The following UEVLD variants were observed in gnomAD, a reference collection of about 807,000 sequenced individuals.
UEVLD encodes ubiquitin-conjugating enzyme E2 variant 3.
In UEVLD, 47 loss-of-function variants were observed where a neutral mutation model predicts 58.6. The observed-to-expected ratio is 0.80, with a 90% CI of 0.63 to 1.02. The LOEUF (loss-of-function observed/expected upper bound fraction) is 1.02, where lower values mean the gene tolerates loss of function less well. Ranked by LOEUF, UEVLD falls within the 50% of genes least tolerant of loss-of-function variation. The probability of loss-of-function intolerance (pLI) is 0.00; values close to 1 mark genes in which losing one functional copy is unlikely to be tolerated. For missense variants in UEVLD, 510 were observed against 550.6 expected (o/e 0.93, Z 0.74); for synonymous variants, 197 against 195.3 (o/e 1.01, Z -0.07).
chr11:18,560,090 TACACACACACACACACAC>T (rs71050609), intron 6 of UEVLD, among the ~76,000 whole-genome samples: 7 of 76,108 alleles, frequency 9.2e-5, no homozygotes, highest in East Asian at 4.3e-4. Context: ...ACCCCGTCTC[TACACACACACACACACAC>T]ACACACACAC....
intron 6 of UEVLD, among the ~76,000 whole-genome samples, chr11:18,558,874 G>T (rs572262686): frequency 1.3e-5 from 2 of 151,794 alleles, no homozygotes; most frequent in Non-Finnish European, 2.9e-5. Flanking sequence ...ACAAGTCACA[G>T]ATTGCAGGTT....
chr11:18,574,596 T>A (rs1209969195), intron 3 of UEVLD, among the ~76,000 whole-genome samples: 11 of 152,192 alleles, frequency 7.2e-5, no homozygotes, highest in Non-Finnish European at 1.5e-4. Context: ...GAGAAGTAGG[T>A]CTGGAAAAAT....
intron 3 of UEVLD, 58 bp downstream of exon 3, chr11:18,575,289 T>C: frequency 6.5e-7 from 1 of 1,538,710 alleles, no homozygotes; most frequent in Non-Finnish European, 8.8e-7. Context: ...CAAATTTAAG[T>C]TATTAAATGA....
intron 3 of UEVLD, chr11:18,570,811 T>C (rs1341117830): frequency 2.0e-5 from 3 of 149,620 alleles, no homozygotes; most frequent in African/African-American, 7.4e-5. Context: ...AAAGGATTAA[T>C]GTTAATCAAG....
Position 18,575,421 on chromosome 11 carries a change from A to AG in UEVLD, c.128-10_128-9insC. 6.0e-6 allele frequency: 9 copies of AG among 1,502,116 alleles called. No individual in the cohort carries two copies. The highest frequency in any genetic ancestry group is 8.1e-6 in the Non-Finnish European group (9 of 1,111,784). 93.0% of individuals were successfully genotyped at this position (1,502,116 alleles called of 1,614,324 possible). ...AGAACTATCTTTAAAAACTAGAAGA[A>AG]AAAAAAAAAAGCCCCAAAATGTGCA... On this transcript the variant is annotated splice_polypyrimidine_tract_variant and intron_variant, in intron 2 of 11. Transcript: ENST00000396197.
At chr11:18,568,936 C>T (rs1441412522) in intron 4 of UEVLD, among the ~76,000 whole-genome samples, 1 of 152,060 alleles carries the variant, frequency 6.6e-6, no homozygotes, top group African/African-American at 2.4e-5. Flanking sequence ...GCTCTGTCGC[C>T]CAGGCTGGAG....
chr11:18,565,015 A>G lies in UEVLD; in HGVS notation c.494-5T>C, dbSNP rs1852228168. ...TTGAATTTGTATCTGAAACACCTAG[A>G]AAGAAAGGTGAATTATCCTGAGAAT... On this transcript the variant is annotated splice_region_variant and splice_polypyrimidine_tract_variant and intron_variant, in intron 5 of 11. Transcript: ENST00000396197. The G allele has an allele frequency of 6.3e-7, 1 of 1,588,754 alleles. No homozygotes were observed.
chr11:18,575,361 G>A lies in UEVLD; in HGVS notation c.179C>T (p.Pro60Leu). 6.2e-7 allele frequency: 1 copy of A among 1,608,146 alleles called. No homozygotes were observed. Among genetic ancestry groups the A allele is most frequent in the East Asian group, 2.2e-5 (1 of 44,788 alleles). ...TCCACACTTACCCTGATACATCACA[G>A]GAATTGTGCCAGTAAAATTCAGCAG... The part of the protein sequence containing the change: ...KDLLNFTGTI[P>L]VMYQGNTYNI... Residue 60 changes from proline (P) to leucine (L), a missense_variant, in exon 3 of 12, where the codon CCT (proline) becomes CTT (leucine). Coordinates refer to ENST00000396197, the MANE Select transcript of UEVLD (RefSeq NM_001040697.4).
chr11:18,532,421 A>G lies in UEVLD; in HGVS notation c.1315T>C (p.Ser439Pro). 6.2e-7 allele frequency: 1 copy of G among 1,613,626 alleles called. No individual in the cohort carries two copies. The highest frequency in any genetic ancestry group is 8.5e-7 in the Non-Finnish European group (1 of 1,179,772). ...LPCILGTNGV[S>P]EVIKTTLKED... The stretch of plus-strand genomic sequence containing the variant: ...TTCAGTGTGGTTTTGATAACTTCAG[A>G]TACTCCATTGGTTCCAAGGATGCAA... Residue 439 changes from serine to proline, a missense_variant, in exon 12 of 12, where the codon TCT becomes CCT. Coordinates refer to ENST00000396197, the MANE Select transcript of UEVLD (RefSeq NM_001040697.4).
chr11:18,588,474 A>C, intron 1 of UEVLD, 139 bp downstream of exon 1: 6 of 1,005,504 alleles, frequency 6.0e-6, no homozygotes, highest in Non-Finnish European at 8.5e-6. Context: ...CGCGCCCCAT[A>C]GCCGGTTTCA....
At chr11:18,560,847 C>T (rs1690750754) in intron 6 of UEVLD, among the ~76,000 whole-genome samples, 1 of 151,920 alleles carries the variant, frequency 6.6e-6, no homozygotes, top group Non-Finnish European at 1.5e-5. Flanking sequence ...CCTGTCTCTC[C>T]CAAAAATACA....
rs948629160 is a variant in UEVLD, at chr11:18,587,207, T to C, written c.42+1406A>G. 3.9e-4 allele frequency among the ~76,000 whole-genome samples: 60 copies of C among 152,202 alleles called. 1 individual carries two copies. The highest frequency in any genetic ancestry group is 8.8e-5 in the Non-Finnish European group (6 of 68,036). ...ATATGCTCTATGTTTGAATCTTAAC[T>C]TGAACAATTCTTCCCATCGGACAAT... is the stretch of plus-strand genomic sequence containing the variant. On this transcript the variant is annotated intron_variant, in intron 1 of 11. Coordinates refer to ENST00000396197, the MANE Select transcript of UEVLD (RefSeq NM_001040697.4).
At chr11:18,558,204 C>T (rs1346012584) in intron 7 of UEVLD, 24 bp downstream of exon 7, 11 of 1,555,450 alleles carry the variant, frequency 7.1e-6, no homozygotes, top group Non-Finnish European at 8.8e-6. Context: ...ATAAGGCATA[C>T]ATCTTTAAGC....
chr11:18,563,850 C>CA (rs1852157256), intron 6 of UEVLD: 1 of 221,988 alleles, frequency 4.5e-6, no homozygotes, highest in Non-Finnish European at 8.3e-6. Flanking sequence ...GCTAAAAATA[C>CA]AAAAATTAGC....
intron 9 of UEVLD, among the ~76,000 whole-genome samples, chr11:18,541,610 A>G (rs1411350438): frequency 5.9e-5 from 9 of 152,270 alleles, no homozygotes; most frequent in African/African-American, 2.2e-4. Flanking sequence ...GCAGCAGGAC[A>G]ACAAAAGTAA....
At chr11:18,568,333 A>C (rs1221691494) in intron 4 of UEVLD, among the ~76,000 whole-genome samples, 1 of 152,212 alleles carries the variant, frequency 6.6e-6, no homozygotes, top group Non-Finnish European at 1.5e-5. Flanking sequence ...AGGATACATG[A>C]ATTCCTGCAA....
At chr11:18,545,073 TA>T (rs1484392851) in intron 8 of UEVLD, among the ~76,000 whole-genome samples, 17 of 49,356 alleles carry the variant, frequency 3.4e-4, no homozygotes, top group African/African-American at 6.0e-4. Flanking sequence ...TCTATATCTA[TA>T]TTTTTTTTTT....
At chr11:18,568,301 A>G (rs1296942803) in intron 4 of UEVLD, among the ~76,000 whole-genome samples, 3 of 152,220 alleles carry the variant, frequency 2.0e-5, no homozygotes, top group African/African-American at 7.2e-5. Flanking sequence ...AGAGATGCCA[A>G]TGAAAACCAG....
chr11:18,565,056 AT>A lies in UEVLD; in HGVS notation c.494-47del, dbSNP rs923503896. On this transcript the variant is annotated intron_variant, in intron 5 of 11. Transcript: ENST00000396197. ...TCCTGAGAATTCAAAAATATCAAGA[AT>A]TTTTTTAGGATCTTTAAAAAAAATA... 7.0e-6 allele frequency: 10 copies of A among 1,429,744 alleles called. No individual in the cohort carries two copies. In the African/African-American group the frequency reaches 7.1e-5, roughly 10 times the overall value. 88.6% of individuals were successfully genotyped at this position (1,429,744 alleles called of 1,614,324 possible).
Sources: gnomAD v4.1 joint callset for allele counts (sites outside exome capture counted in the v4.1 genomes callset) on GRCh38, gnomAD v4.1.1 for gene constraint, MANE v1.5 for transcripts, NCBI Gene and HGNC (gene_info 2026-07-23, HGNC 2026-07-21) for gene names.